Variants in DDX43 observed in about 807,000 individuals in gnomAD.
DDX43 encodes probable ATP-dependent RNA helicase DDX43.
Under a neutral mutation model 84.9 loss-of-function variants are expected in DDX43, and 50 were observed. The ratio of observed to expected loss-of-function variants is 0.59; its 90% CI spans 0.47 to 0.75. The LOEUF (loss-of-function observed/expected upper bound fraction) is 0.75, where lower values mean the gene tolerates loss of function less well. Ranked by LOEUF, DDX43 falls within the 30% of genes least tolerant of loss-of-function variation. The pLI, the probability that DDX43 is intolerant of heterozygous loss-of-function variation, is 0.00. For missense variants in DDX43, 689 were observed against 798.6 expected (o/e 0.86, Z 1.65); for synonymous variants, 291 against 266.3 (o/e 1.09, Z -0.90).
intron 7 of DDX43, chr6:73,406,935 C>G (rs1474828562): frequency 3.3e-5 from 5 of 153,252 alleles, no homozygotes; most frequent in African/African-American, 9.7e-5. Flanking sequence ...GTAAAGCAAT[C>G]TTAAATCTGA....
intron 2 of DDX43, among the ~76,000 whole-genome samples, chr6:73,399,952 C>T (rs1769535362): frequency 6.6e-6 from 1 of 152,134 alleles, no homozygotes; most frequent in Non-Finnish European, 1.5e-5. Context: ...TTAATTATTT[C>T]TCTACACTAT....
chr6:73,409,945 G>A (rs1245475661), intron 10 of DDX43, among the ~76,000 whole-genome samples: 1 of 150,570 alleles, frequency 6.6e-6, no homozygotes, highest in African/African-American at 2.4e-5. Context: ...CAGGAGGATC[G>A]TTTGAACCTG....
intron 4 of DDX43, among the ~76,000 whole-genome samples, chr6:73,403,513 G>C (rs1419135028): frequency 2.6e-5 from 4 of 152,074 alleles, no homozygotes; most frequent in African/African-American, 9.7e-5. Context: ...TAACTTAAGA[G>C]AGTAGACCAA....
chr6:73,412,139 C>A, intron 10 of DDX43, 66 bp from the exon 11 acceptor site: 1 of 1,388,702 alleles, frequency 7.2e-7, no homozygotes, highest in Non-Finnish European at 1.0e-6. Flanking sequence ...TGGTTCATAG[C>A]ATGCTTAAGG....
Position 73,408,090 on chromosome 6 carries a change from A to G in DDX43, c.1168A>G (p.Ile390Val), listed in dbSNP as rs1429831173. ...GAGTAACTTCGTCAATCTGAAGAATATAACCTACTTGGTAATCATGGAAAT... is the reference window on the plus strand; with the variant it reads ...GAGTAACTTCGTCAATCTGAAGAATGTAACCTACTTGGTAATCATGGAAAT... ...QMSNFVNLKN[I>V]TYLVLDEADK... The change falls in exon 9 of 17, where the codon ATA becomes GTA. Residue 390 changes from isoleucine to valine, a missense_variant. Transcript: ENST00000370336. 4 of 1,613,912 alleles carry G rather than the reference A, an allele frequency of 2.5e-6. No individual in the cohort carries two copies. The South Asian group carries it at 3.3e-5, about 13-fold the overall frequency.
rs45605231 is a variant in DDX43 at position 73,413,847 on chromosome 6, T to G, written c.1496+62T>G. 11,795 of 1,564,122 alleles carry G rather than the reference T, an allele frequency of 7.5e-3. 62 individuals are homozygous for G. The highest frequency in any genetic ancestry group is 9.1e-3 in the Non-Finnish European group (10,481 of 1,148,148). On this transcript the variant is annotated intron_variant, in intron 12 of 16. Coordinates refer to ENST00000370336, the MANE Select transcript of DDX43 (RefSeq NM_018665.3). ...TAAATTGATTAGGATCATTTCTATT[T>G]GTATACTAATTCCAAATGGGGGTGA... is the stretch of plus-strand genomic sequence containing the variant.
chr6:73,405,151 A>G (rs1255057398), intron 5 of DDX43, among the ~76,000 whole-genome samples: 7 of 152,220 alleles, frequency 4.6e-5, no homozygotes, highest in Non-Finnish European at 8.8e-5. Flanking sequence ...AATTTCTTAA[A>G]CTCTTCAGTC....
chr6:73,400,495 A>C, intron 3 of DDX43, 132 bp downstream of exon 3: 1 of 757,998 alleles, frequency 1.3e-6, no homozygotes, highest in South Asian at 3.4e-5. Context: ...ATGATTTTTT[A>C]CTATGAATGA....
At chr6:73,397,797 G>T in intron 2 of DDX43, 53 bp downstream of exon 2, 1 of 1,497,960 alleles carries the variant, frequency 6.7e-7, no homozygotes, top group African/African-American at 1.4e-5. Context: ...ATTTCTAAGG[G>T]AGCACCTAAC....
chr6:73,406,742 T>A (rs1464090567), intron 7 of DDX43, among the ~76,000 whole-genome samples: 1 of 152,234 alleles, frequency 6.6e-6, no homozygotes, highest in African/African-American at 2.4e-5. Flanking sequence ...AATACACTTA[T>A]CTATTCCATG....
rs1769717070 is a variant in DDX43, at chr6:73,408,109, T to C, written c.1179+8T>C. ...AAGAATATAACCTACTTGGTAATCA[T>C]GGAAATAGGGGTTTGAGATGCTGGG... On this transcript the variant is annotated splice_region_variant and intron_variant, in intron 9 of 16. Transcript: ENST00000370336. 1 of 1,613,032 alleles carries C rather than the reference T, an allele frequency of 6.2e-7. No individual in the cohort carries two copies. Among genetic ancestry groups the C allele is most frequent in the Non-Finnish European group, 8.5e-7 (1 of 1,179,630 alleles).
intron 14 of DDX43, among the ~76,000 whole-genome samples, chr6:73,415,137 A>T (rs1426895692): frequency 6.6e-6 from 1 of 152,074 alleles, no homozygotes; most frequent in Non-Finnish European, 1.5e-5. Flanking sequence ...CTCTACTAAA[A>T]ATACAAAAAA....
At position 73,414,120 on chromosome 6, in the gene DDX43, G is replaced by A. The variant is rs776794838; in HGVS notation, c.1606+41G>A. 8 of 1,253,894 alleles carry A rather than the reference G, an allele frequency of 6.4e-6. No homozygotes were observed. In the East Asian group the frequency reaches 1.9e-4, roughly 30 times the overall value. 77.7% of individuals were successfully genotyped at this position (1,253,894 alleles called of 1,614,324 possible). ...TAGTATTTCATACAGTTTAAAATTAGTGCAATACCTGGGCTTGGCTGAGTA... is the reference window on the plus strand; with the variant it reads ...TAGTATTTCATACAGTTTAAAATTAATGCAATACCTGGGCTTGGCTGAGTA... On this transcript the variant is annotated intron_variant, in intron 13 of 16. Transcript: ENST00000370336.
chr6:73,405,868 A>G (rs754896591), intron 6 of DDX43, 33 bp downstream of exon 6: 2 of 1,597,564 alleles, frequency 1.3e-6, no homozygotes, highest in South Asian at 2.2e-5. Flanking sequence ...ATTTCACTCA[A>G]TGTTTTTCTT....
At chr6:73,396,777 G>A (rs570847700) in intron 1 of DDX43, among the ~76,000 whole-genome samples, 36 of 152,224 alleles carry the variant, frequency 2.4e-4, no homozygotes, top group African/African-American at 8.4e-4. Flanking sequence ...TTGTTTCTGA[G>A]TTAGATTACT....
intron 5 of DDX43, 97 bp from the exon 6 acceptor site, chr6:73,405,582 C>A: frequency 2.6e-6 from 3 of 1,154,708 alleles, no homozygotes; most frequent in South Asian, 1.6e-5. Context: ...TAATCAGTTG[C>A]AGTTGAATTT....
chr6:73,403,187 G>C (rs1223796150), intron 4 of DDX43, among the ~76,000 whole-genome samples: 2 of 152,166 alleles, frequency 1.3e-5, no homozygotes, highest in African/African-American at 4.8e-5. Context: ...AATGTAGTTA[G>C]GCCGGGCCCA....
Position 73,400,257 on chromosome 6 carries a change from A to G in DDX43, c.330A>G (p.Ser110=), listed in dbSNP as rs139888487. The change falls in exon 3 of 17, where the codon TCA becomes TCG. Residue 110 remains serine (S), a synonymous_variant. Coordinates refer to ENST00000370336, the MANE Select transcript of DDX43 (RefSeq NM_018665.3). ...TIQIIQEQPE[S]LVKIFGSKAM... ...AGATAATACAAGAACAACCAGAATC[A>G]TTAGTCAAAATTTTTGGCAGCAAGG... 10 of 1,605,794 alleles carry G rather than the reference A, an allele frequency of 6.2e-6. No homozygotes were observed. Among genetic ancestry groups the G allele is most frequent in the East Asian group, 2.3e-5 (1 of 44,410 alleles).
At chr6:73,408,868 T>C (rs1769732936) in intron 9 of DDX43, among the ~76,000 whole-genome samples, 1 of 152,234 alleles carries the variant, frequency 6.6e-6, no homozygotes, top group Admixed American at 6.5e-5. Flanking sequence ...GGCTGTCGAT[T>C]TTATAATGGC....
Sources: allele counts gnomAD v4.1 joint callset (sites outside exome capture counted in the v4.1 genomes callset), GRCh38; gene constraint gnomAD v4.1.1; transcripts MANE v1.5; gene names NCBI Gene and HGNC (gene_info 2026-07-23, HGNC 2026-07-21).